Variants in COBL observed in about 807,000 individuals in gnomAD.
COBL encodes cordon-bleu WH2 repeat protein, also known as protein cordon-bleu.
A neutral mutation model predicts 98.8 loss-of-function variants in COBL; 51 were observed. That is an observed-to-expected ratio of 0.52 (90% CI 0.41 to 0.65). COBL has a LOEUF of 0.65. Among genes scored for constraint, COBL ranks in the 30% least tolerant of loss-of-function variants. The pLI, the probability that COBL is intolerant of heterozygous loss-of-function variation, is 0.00. For synonymous variants in COBL, 634 were observed against 651.7 expected, an observed-to-expected ratio of 0.97 and a Z score of 0.41; for missense variants, 1,617 against 1,617.5, an observed-to-expected ratio of 1.00 and a Z score of 0.01.
At chr7:51,113,622 TC>T (rs1392673750) in intron 6 of COBL, among the ~76,000 whole-genome samples, 1 of 152,240 alleles carries the variant, frequency 6.6e-6, no homozygotes, top group African/African-American at 2.4e-5. Flanking sequence ...TATAATTATT[TC>T]TACCAAAACA....
chr7:51,207,898 G>A (rs1283954988), intron 2 of COBL, among the ~76,000 whole-genome samples: 8 of 151,172 alleles, frequency 5.3e-5, no homozygotes, highest in Admixed American at 2.0e-4. Context: ...CCCATCGTCT[G>A]GGATGTGAGG....
chr7:51,290,401 T>C (rs570175702), intron 1 of COBL, among the ~76,000 whole-genome samples: 1 of 152,226 alleles, frequency 6.6e-6, no homozygotes, highest in African/African-American at 2.4e-5. Flanking sequence ...CCAGCAGAGA[T>C]AATGTGAAAC....
At chr7:51,102,837 T>G (rs774310538) in intron 6 of COBL, among the ~76,000 whole-genome samples, 7 of 152,188 alleles carry the variant, frequency 4.6e-5, no homozygotes, top group Non-Finnish European at 8.8e-5. Flanking sequence ...GAAAACCAGG[T>G]GGATTTCTTC....
chr7:51,058,081 T>C (rs1042498441), intron 7 of COBL, among the ~76,000 whole-genome samples: 3 of 152,204 alleles, frequency 2.0e-5, no homozygotes, highest in African/African-American at 4.8e-5. Flanking sequence ...AAGATAACCA[T>C]GGTTTACATT....
At chr7:51,136,470 C>T (rs1026729567) in intron 5 of COBL, 139 bp from the exon 6 acceptor site, 9 of 871,634 alleles carry the variant, frequency 1.0e-5, no homozygotes, top group Admixed American at 8.7e-5. Context: ...CTTGAATGGT[C>T]TGAGCAAGCC....
intron 1 of COBL, among the ~76,000 whole-genome samples, chr7:51,301,466 A>G (rs1274862325): frequency 6.6e-6 from 1 of 152,176 alleles, no homozygotes; most frequent in Admixed American, 6.5e-5. Context: ...TCACAGCCGT[A>G]CTGTGGGTGG....
intron 1 of COBL, among the ~76,000 whole-genome samples, chr7:51,291,816 A>G (rs931691198): frequency 6.6e-6 from 1 of 152,152 alleles, no homozygotes; most frequent in Non-Finnish European, 1.5e-5. Context: ...TTTACAAATG[A>G]AAAGATAGAA....
chr7:51,214,157 T>C (rs780668146), intron 2 of COBL, among the ~76,000 whole-genome samples: 16 of 151,844 alleles, frequency 1.1e-4, no homozygotes, highest in Admixed American at 2.0e-4. Flanking sequence ...TCCCAGCTAC[T>C]CGGGAGGCTG....
chr7:51,133,045 G>A (rs1583904472), intron 6 of COBL, among the ~76,000 whole-genome samples: 2 of 152,174 alleles, frequency 1.3e-5, no homozygotes, highest in East Asian at 3.9e-4. Context: ...ATAGGAAGGG[G>A]GCTCTAACCC....
At chr7:51,168,257 G>A (rs890508683) in intron 5 of COBL, among the ~76,000 whole-genome samples, 4 of 152,026 alleles carry the variant, frequency 2.6e-5, no homozygotes, top group Admixed American at 6.6e-5. Context: ...GCAAAAGGCC[G>A]GGCGCTGTAG....
intron 5 of COBL, among the ~76,000 whole-genome samples, chr7:51,166,938 T>C (rs538160854): frequency 4.6e-5 from 7 of 152,094 alleles, no homozygotes; most frequent in Non-Finnish European, 8.8e-5. Context: ...AAACTGGGGA[T>C]AGAAGTAACA....
intron 1 of COBL, among the ~76,000 whole-genome samples, chr7:51,240,226 A>T (rs1795661675): frequency 6.6e-6 from 1 of 152,214 alleles, no homozygotes; most frequent in African/African-American, 2.4e-5. Flanking sequence ...GATCACACTC[A>T]CAAGTGGTCC....
At chr7:51,289,054 T>C (rs2129184830) in intron 1 of COBL, among the ~76,000 whole-genome samples, 1 of 152,308 alleles carries the variant, frequency 6.6e-6, no homozygotes, top group Middle Eastern at 3.4e-3. Flanking sequence ...AACAGAGCCC[T>C]GCATAGTCTA....
chr7:51,096,836 A>G (rs1226467920), intron 6 of COBL, among the ~76,000 whole-genome samples: 1 of 152,178 alleles, frequency 6.6e-6, no homozygotes, highest in East Asian at 1.9e-4. Flanking sequence ...GCAGTCAGGA[A>G]ATCGAATCAG....
At chr7:51,263,995 G>A (rs1446427436) in intron 1 of COBL, among the ~76,000 whole-genome samples, 1 of 152,188 alleles carries the variant, frequency 6.6e-6, no homozygotes, top group African/African-American at 2.4e-5. Context: ...GGGAGGTGCT[G>A]TTATTCCACT....
intron 7 of COBL, among the ~76,000 whole-genome samples, chr7:51,063,166 A>C (rs1446886215): frequency 1.4e-5 from 2 of 146,916 alleles, no homozygotes; most frequent in African/African-American, 2.5e-5. Flanking sequence ...ATGAAGTCTC[A>C]CTCTGTCACC....
intron 1 of COBL, among the ~76,000 whole-genome samples, chr7:51,272,456 T>C (rs533892521): frequency 3.3e-5 from 5 of 152,332 alleles, no homozygotes; most frequent in South Asian, 2.1e-4. Flanking sequence ...AACTACAAAA[T>C]AGTTAAAATT....
intron 6 of COBL, among the ~76,000 whole-genome samples, chr7:51,096,007 A>G (rs1795241412): frequency 6.6e-6 from 1 of 152,196 alleles, no homozygotes; most frequent in Non-Finnish European, 1.5e-5. Flanking sequence ...GTAATAGAGG[A>G]CTTGAACAAC....
At chr7:51,224,139 A>T (rs1342826678) in intron 1 of COBL, among the ~76,000 whole-genome samples, 1 of 152,224 alleles carries the variant, frequency 6.6e-6, no homozygotes, top group African/African-American at 2.4e-5. Context: ...CTAGGTGTGT[A>T]GTAGGCTCTA....
Sources: allele counts gnomAD v4.1 joint callset (sites outside exome capture counted in the v4.1 genomes callset), GRCh38; gene constraint gnomAD v4.1.1; transcripts MANE v1.5; gene names NCBI Gene and HGNC (gene_info 2026-07-23, HGNC 2026-07-21).